SNTG1: variants seen among roughly 807,000 people sequenced by gnomAD.
The protein encoded by SNTG1 is gamma-1-syntrophin.
SNTG1 carries 39 observed loss-of-function variants against 74.7 expected under a neutral mutation model. The observed-to-expected ratio is 0.52, with a 90% CI of 0.40 to 0.68. The LOEUF (loss-of-function observed/expected upper bound fraction) is 0.68. Ranked by LOEUF, SNTG1 falls within the 30% of genes least tolerant of loss-of-function variation. The pLI is 0.00. For missense variants in SNTG1, 685 were observed against 609.5 expected (o/e 1.12, Z -1.30); for synonymous variants, 254 against 217.1 (o/e 1.17, Z -1.49).
At chr8:50,567,959 G>A (rs2094525316) in intron 12 of SNTG1, among the ~76,000 whole-genome samples, 1 of 151,878 alleles carries the variant, frequency 6.6e-6, no homozygotes, top group Admixed American at 6.6e-5. Context: ...CTTCCTTCCT[G>A]TATCTCTGTA....
chr8:50,743,524 G>A (rs1180919463), intron 17 of SNTG1, among the ~76,000 whole-genome samples: 1 of 151,646 alleles, frequency 6.6e-6, no homozygotes, highest in Non-Finnish European at 1.5e-5. Context: ...ACGACCCACA[G>A]ATAATATTAT....
intron 17 of SNTG1, among the ~76,000 whole-genome samples, chr8:50,729,752 G>A (rs73678646): frequency 0.018 from 2,814 of 152,264 alleles, 74 homozygotes; most frequent in African/African-American, 0.06. Flanking sequence ...AGGATAAGCT[G>A]ACCCACAGGT....
chr8:49,995,831 A>G (rs889156307), intron 1 of SNTG1, among the ~76,000 whole-genome samples: 1 of 152,196 alleles, frequency 6.6e-6, no homozygotes, highest in Non-Finnish European at 1.5e-5. Flanking sequence ...TGTCACTTAC[A>G]TACCATTTAT....
intron 1 of SNTG1, among the ~76,000 whole-genome samples, chr8:49,971,296 G>A (rs1181038181): frequency 6.6e-6 from 1 of 152,078 alleles, no homozygotes; most frequent in Non-Finnish European, 1.5e-5. Flanking sequence ...TGCAGAAAAG[G>A]CCTTTGAAAA....
At position 50,635,434 on chromosome 8, in the gene SNTG1, T is replaced by A. The variant is rs184253562; in HGVS notation, c.850-21475T>A. Among the ~76,000 whole-genome samples, 24 of 152,292 alleles carry A rather than the reference T, an allele frequency of 1.6e-4. No homozygotes were observed. In the East Asian group the frequency reaches 3.5e-3, roughly 22 times the overall value. ...GAGATGATTTCCAGGAGCCAGGGCC[T>A]GGAGTCAGAAACCTTAGAAATTTAC... On this transcript the variant is annotated intron_variant, in intron 13 of 18. Transcript: ENST00000642720.
rs1441113940 is a variant in SNTG1, at chr8:50,585,516, T to C, written c.811-5363T>C. ...AAAATTAGCATTGGTTTCTAAGAAG[T>C]GTAACATGGAAAATGCCTTTTTGAA... On this transcript the variant is annotated intron_variant, in intron 12 of 18. Transcript: ENST00000642720. Among the ~76,000 whole-genome samples the C allele has an allele frequency of 2.6e-5, 4 of 152,156 alleles. No individual in the cohort carries two copies. The East Asian group carries it at 7.7e-4, about 29-fold the overall frequency.
chr8:50,584,515 T>A (rs932382202), intron 12 of SNTG1, among the ~76,000 whole-genome samples: 2 of 98,584 alleles, frequency 2.0e-5, no homozygotes, highest in African/African-American at 1.7e-4. Context: ...TCTGATTCTT[T>A]TTTTTTTTTT....
chr8:50,315,927 A>T (rs1394148159), intron 2 of SNTG1, among the ~76,000 whole-genome samples: 1 of 152,172 alleles, frequency 6.6e-6, no homozygotes, highest in African/African-American at 2.4e-5. Flanking sequence ...AGAAAAGTGG[A>T]AATTGAATGT....
intron 13 of SNTG1, among the ~76,000 whole-genome samples, chr8:50,598,659 C>T (rs1255392433): frequency 2.6e-5 from 4 of 151,930 alleles, no homozygotes; most frequent in Non-Finnish European, 5.9e-5. Context: ...ATGTAGATGG[C>T]TTTGGTTAAT....
At chr8:50,695,323 A>C (rs1289086501) in intron 15 of SNTG1, among the ~76,000 whole-genome samples, 2 of 151,984 alleles carry the variant, frequency 1.3e-5, no homozygotes, top group Non-Finnish European at 2.9e-5. Flanking sequence ...GTTTTAAAAA[A>C]ATCAAACAAT....
chr8:50,495,861 CA>C (rs2093899189), intron 8 of SNTG1, among the ~76,000 whole-genome samples: 1 of 152,142 alleles, frequency 6.6e-6, no homozygotes, highest in Non-Finnish European at 1.5e-5. Flanking sequence ...GGTAGACACA[CA>C]AATGGCAGGA....
intron 1 of SNTG1, among the ~76,000 whole-genome samples, chr8:50,085,839 T>C (rs1257754789): frequency 6.6e-6 from 1 of 152,200 alleles, no homozygotes; most frequent in East Asian, 1.9e-4. Context: ...AAAACTCTTA[T>C]AACACACACT....
chr8:50,307,177 C>T (rs890439194), intron 2 of SNTG1, among the ~76,000 whole-genome samples: 10 of 151,992 alleles, frequency 6.6e-5, no homozygotes, highest in East Asian at 1.9e-4. Context: ...ATAGTTCTGA[C>T]GACCAAGGTG....
At chr8:50,260,069 A>G (rs1160689065) in intron 2 of SNTG1, among the ~76,000 whole-genome samples, 3 of 152,130 alleles carry the variant, frequency 2.0e-5, no homozygotes, top group African/African-American at 7.2e-5. Flanking sequence ...GCAGAGGGAG[A>G]AAAAAGCAAC....
chr8:50,421,047 G>GT (rs202127315), intron 4 of SNTG1, among the ~76,000 whole-genome samples: 4,659 of 100,374 alleles, frequency 0.046, 581 homozygotes, highest in Non-Finnish European at 0.076. Flanking sequence ...GGCGGTGGGC[G>GT]GGGGAGGGGG....
At chr8:50,014,817 C>T (rs1264156214) in intron 1 of SNTG1, among the ~76,000 whole-genome samples, 3 of 151,850 alleles carry the variant, frequency 2.0e-5, no homozygotes, top group East Asian at 1.9e-4. Context: ...ATCTCAGTGG[C>T]CACACACAGC....
At chr8:50,044,037 T>C (rs1818865403) in intron 1 of SNTG1, among the ~76,000 whole-genome samples, 1 of 152,190 alleles carries the variant, frequency 6.6e-6, no homozygotes, top group Non-Finnish European at 1.5e-5. Flanking sequence ...TCTCTCTGAA[T>C]AGTCACCTTT....
intron 2 of SNTG1, among the ~76,000 whole-genome samples, chr8:50,303,226 T>A (rs1047369990): frequency 4.6e-5 from 7 of 152,162 alleles, no homozygotes; most frequent in Non-Finnish European, 1.0e-4. Context: ...GATATTAACC[T>A]CCTTGATTCA....
intron 13 of SNTG1, among the ~76,000 whole-genome samples, chr8:50,638,706 G>A (rs532631970): frequency 1.1e-4 from 17 of 152,124 alleles, no homozygotes; most frequent in Admixed American, 3.9e-4. Context: ...TAGAGGAGGC[G>A]GTGTGTCTCA....
Sources: gnomAD v4.1 joint callset for allele counts (sites outside exome capture counted in the v4.1 genomes callset) on GRCh38, gnomAD v4.1.1 for gene constraint, MANE v1.5 for transcripts, NCBI Gene and HGNC (gene_info 2026-07-23, HGNC 2026-07-21) for gene names.